MRTFB: variants seen among roughly 807,000 people sequenced by gnomAD.
The protein encoded by MRTFB is myocardin-related transcription factor B.
Under a neutral mutation model 104.2 loss-of-function variants are expected in MRTFB, and 29 were observed. The observed-to-expected ratio is 0.28, with a 90% CI of 0.21 to 0.38. The LOEUF is 0.38. Among genes scored for constraint, MRTFB ranks in the 10% least tolerant of loss-of-function variants. MRTFB has a pLI of 1.00. For missense variants in MRTFB, 1,270 were observed against 1,341.6 expected (o/e 0.95, Z 0.83); for synonymous variants, 535 against 519.5 (o/e 1.03, Z -0.41).
chr16:14,072,267 T>C (rs921979214), intron 1 of MRTFB, among the ~76,000 whole-genome samples: 1 of 152,080 alleles, frequency 6.6e-6, no homozygotes, highest in African/African-American at 2.4e-5. Context: ...TCATAAACAA[T>C]GTGACCTCCC....
chr16:14,109,479 A>G (rs1279635343), intron 2 of MRTFB, among the ~76,000 whole-genome samples: 1 of 152,252 alleles, frequency 6.6e-6, no homozygotes, highest in Non-Finnish European at 1.5e-5. Context: ...AATTGGGTAC[A>G]TTTTAATTGC....
rs1355527615 is a variant in MRTFB, at chr16:14,262,840, A to G, written c.*1396A>G. On this transcript the variant is annotated 3_prime_UTR_variant, in exon 17 of 17. Coordinates refer to ENST00000571589, the MANE Select transcript of MRTFB (RefSeq NM_001308142.2). ...AAGAGCATGGAGATTTTTCTTAAAT[A>G]ATAATATTGTGCTCTCCACCTCACC... 6.6e-6 allele frequency: 1 copy of G among 152,238 alleles called. No individual in the cohort carries two copies. The highest frequency in any genetic ancestry group is 2.4e-5 in the African/African-American group (1 of 41,470). 9.4% of individuals were successfully genotyped at this position (152,238 alleles called of 1,614,324 possible).
At chr16:14,086,449 G>A (rs551459500) in intron 2 of MRTFB, among the ~76,000 whole-genome samples, 1 of 152,236 alleles carries the variant, frequency 6.6e-6, no homozygotes, top group East Asian at 1.9e-4. Context: ...TTGCACTTTA[G>A]TTTGCTTAGC....
intron 2 of MRTFB, among the ~76,000 whole-genome samples, chr16:14,127,919 ATATATATATATTTT>A (rs2037215999): frequency 5.1e-5 from 2 of 39,318 alleles, no homozygotes; most frequent in South Asian, 2.1e-3. Context: ...ATATATATAT[ATATATATATATTTT>A]TTTTTTTTTT....
chr16:14,065,276 T>C, the MRTFB span, among the ~76,000 whole-genome samples: 3 of 152,336 alleles, frequency 2.0e-5, no homozygotes, highest in East Asian at 5.8e-4. Flanking sequence ...TATTGGTGTA[T>C]GGAAATGCTA....
At chr16:14,005,707 G>A in the MRTFB span, among the ~76,000 whole-genome samples, 4 of 152,296 alleles carry the variant, frequency 2.6e-5, no homozygotes, top group African/African-American at 9.6e-5. Context: ...TTCAATACAG[G>A]AAATGTTTTA....
intron 9 of MRTFB, 108 bp downstream of exon 9, chr16:14,234,391 T>G: frequency 7.5e-7 from 1 of 1,335,288 alleles, no homozygotes. Flanking sequence ...AGCCTGCCTT[T>G]TAGCCCAAAG....
At chr16:14,161,766 T>C (rs968502242) in intron 3 of MRTFB, among the ~76,000 whole-genome samples, 3 of 152,144 alleles carry the variant, frequency 2.0e-5, no homozygotes, top group Non-Finnish European at 2.9e-5. Context: ...CTTTCACAGA[T>C]ACAGATACTT....
chr16:14,096,609 G>C (rs2035389393), intron 2 of MRTFB, among the ~76,000 whole-genome samples: 1 of 152,236 alleles, frequency 6.6e-6, no homozygotes, highest in Non-Finnish European at 1.5e-5. Context: ...ATTGTGGCAA[G>C]AGATGTGGAC....
At chr16:14,259,521 G>A (rs246172) in intron 16 of MRTFB, among the ~76,000 whole-genome samples, 30,930 of 151,774 alleles carry the variant, frequency 0.2, 5,182 homozygotes, top group African/African-American at 0.45. Context: ...AGCACTTTGG[G>A]AGGCCACGGC....
the MRTFB span, among the ~76,000 whole-genome samples, chr16:14,023,564 G>A: frequency 4.7e-5 from 7 of 149,196 alleles, no homozygotes; most frequent in Non-Finnish European, 8.9e-5. Flanking sequence ...TAACAATATC[G>A]GCCCCCAAGG....
intron 3 of MRTFB, among the ~76,000 whole-genome samples, chr16:14,148,948 A>G (rs914243491): frequency 2.6e-5 from 4 of 152,178 alleles, no homozygotes; most frequent in Non-Finnish European, 5.9e-5. Context: ...CTTAGATACA[A>G]ATTAGTCGTG....
chr16:14,257,580 CGGATGAGG>C (rs145616425), intron 15 of MRTFB, among the ~76,000 whole-genome samples: 4,070 of 151,592 alleles, frequency 0.027, 76 homozygotes, highest in Middle Eastern at 0.082. Flanking sequence ...GGGTTGCCTA[CGGATGAGG>C]GGATGAGGGG....
intron 3 of MRTFB, among the ~76,000 whole-genome samples, chr16:14,164,836 A>G (rs1477679901): frequency 1.3e-5 from 2 of 152,098 alleles, no homozygotes; most frequent in African/African-American, 4.8e-5. Context: ...GATCTTTATG[A>G]CACCAAAGCC....
At chr16:14,216,352 A>C (rs1234390889) in intron 6 of MRTFB, among the ~76,000 whole-genome samples, 1 of 152,262 alleles carries the variant, frequency 6.6e-6, no homozygotes, top group South Asian at 2.1e-4. Flanking sequence ...TAGACACCAC[A>C]TCATTATTTT....
chr16:14,211,786 C>G (rs1383944042), intron 4 of MRTFB, among the ~76,000 whole-genome samples: 2 of 151,974 alleles, frequency 1.3e-5, no homozygotes, highest in African/African-American at 4.8e-5. Context: ...ATTTAAATAC[C>G]ACTTTGACCA....
intron 2 of MRTFB, among the ~76,000 whole-genome samples, chr16:14,103,375 G>T (rs2035798869): frequency 6.6e-6 from 1 of 152,006 alleles, no homozygotes; most frequent in Non-Finnish European, 1.5e-5. Context: ...TCCTAACAAG[G>T]GTATTTCTTC....
Position 14,252,031 on chromosome 16 carries a change from T to C in MRTFB, c.2565+8T>C. 1 of 1,613,074 alleles carries C rather than the reference T, an allele frequency of 6.2e-7. No individual in the cohort carries two copies. The highest frequency in any genetic ancestry group is 8.5e-7 in the Non-Finnish European group (1 of 1,179,490). ...CCTAACACACCCAACAAGGTAACCC[T>C]GTGAGGCTTGTGTGTCAGTGACAGT... On this transcript the variant is annotated splice_region_variant and intron_variant, in intron 14 of 16. Transcript: ENST00000571589.
At chr16:14,237,025 G>A (rs1274843537) in intron 9 of MRTFB, among the ~76,000 whole-genome samples, 6 of 152,206 alleles carry the variant, frequency 3.9e-5, no homozygotes, top group Non-Finnish European at 7.3e-5. Context: ...GCAACTTGCA[G>A]TTGCCACGTC....
Sources: allele counts gnomAD v4.1 joint callset (sites outside exome capture counted in the v4.1 genomes callset), GRCh38; gene constraint gnomAD v4.1.1; transcripts MANE v1.5; gene names NCBI Gene and HGNC (gene_info 2026-07-23, HGNC 2026-07-21).